Variants in CTTNBP2 observed in about 807,000 individuals in gnomAD.
The protein encoded by CTTNBP2 is cortactin-binding protein 2.
Under a neutral mutation model 156.9 loss-of-function variants are expected in CTTNBP2, and 108 were observed. The ratio of observed to expected loss-of-function variants is 0.69; its 90% CI spans 0.59 to 0.81. CTTNBP2 has a LOEUF of 0.81. Among genes scored for constraint, CTTNBP2 ranks in the 30% least tolerant of loss-of-function variants. The probability of loss-of-function intolerance (pLI) is 0.00; values close to 1 mark genes in which losing one functional copy is unlikely to be tolerated. For synonymous variants in CTTNBP2, 767 were observed against 751.8 expected, an observed-to-expected ratio of 1.02 and a Z score of -0.33; for missense variants, 1,924 against 2,035.4, an observed-to-expected ratio of 0.95 and a Z score of 1.05.
intron 7 of CTTNBP2, among the ~76,000 whole-genome samples, chr7:117,778,750 C>A (rs1007480841): frequency 6.6e-6 from 1 of 152,172 alleles, no homozygotes; most frequent in African/African-American, 2.4e-5. Context: ...TACTCAGGCA[C>A]CCATCTTGTT....
intron 14 of CTTNBP2, among the ~76,000 whole-genome samples, chr7:117,739,742 G>C (rs1051512786): frequency 6.6e-6 from 1 of 152,060 alleles, no homozygotes; most frequent in Non-Finnish European, 1.5e-5. Context: ...CTTAAACCCC[G>C]GCTCTGGAGG....
chr7:117,713,912 G>A (rs1429494221), intron 22 of CTTNBP2: 2 of 152,190 alleles, frequency 1.3e-5, no homozygotes, highest in Non-Finnish European at 2.9e-5. Flanking sequence ...GGACAAATCT[G>A]GGGTCCAGGC....
intron 3 of CTTNBP2, among the ~76,000 whole-genome samples, chr7:117,801,343 A>T (rs1563021325): frequency 6.6e-6 from 1 of 152,234 alleles, no homozygotes; most frequent in African/African-American, 2.4e-5. Flanking sequence ...ATCAGGAAAC[A>T]TTAGACAAAC....
At chr7:117,773,506 G>A (rs1797907833) in intron 8 of CTTNBP2, among the ~76,000 whole-genome samples, 3 of 152,130 alleles carry the variant, frequency 2.0e-5, no homozygotes, top group Non-Finnish European at 4.4e-5. Flanking sequence ...AATGTCTGGA[G>A]GACAAGTAAA....
intron 16 of CTTNBP2, among the ~76,000 whole-genome samples, chr7:117,733,207 CT>C (rs145623485): frequency 0.015 from 2,261 of 152,294 alleles, 52 homozygotes; most frequent in African/African-American, 0.051. Context: ...CATCCATTCC[CT>C]TGTACACACA....
At chr7:117,750,597 T>C (rs1182552327) in intron 12 of CTTNBP2, among the ~76,000 whole-genome samples, 4 of 152,172 alleles carry the variant, frequency 2.6e-5, no homozygotes, top group Non-Finnish European at 4.4e-5. Context: ...TCAAATGATA[T>C]AGTCATGTTG....
chr7:117,761,510 T>C (rs1797216643), intron 9 of CTTNBP2, among the ~76,000 whole-genome samples: 1 of 152,238 alleles, frequency 6.6e-6, no homozygotes, highest in Non-Finnish European at 1.5e-5. Context: ...ATGACTATAA[T>C]TATTGAATTA....
intron 2 of CTTNBP2, among the ~76,000 whole-genome samples, chr7:117,837,959 T>A (rs1314135507): frequency 6.6e-6 from 1 of 152,116 alleles, no homozygotes; most frequent in Admixed American, 6.5e-5. Context: ...TATTACCCTA[T>A]CCCTTACACT....
intron 6 of CTTNBP2, among the ~76,000 whole-genome samples, chr7:117,782,067 A>G (rs2116804044): frequency 6.6e-6 from 1 of 152,304 alleles, no homozygotes; most frequent in African/African-American, 2.4e-5. Flanking sequence ...TATGATTAAT[A>G]ACATGGGGTC....
At chr7:117,714,782 G>A (rs1794248912) in intron 22 of CTTNBP2, among the ~76,000 whole-genome samples, 1 of 152,180 alleles carries the variant, frequency 6.6e-6, no homozygotes, top group African/African-American at 2.4e-5. Flanking sequence ...GCAATTCAAG[G>A]CCAGGAGTGC....
intron 22 of CTTNBP2, among the ~76,000 whole-genome samples, chr7:117,717,501 A>T (rs907717616): frequency 2.0e-5 from 3 of 152,176 alleles, no homozygotes; most frequent in Admixed American, 2.0e-4. Context: ...TACACAATTC[A>T]TAAATTTGCA....
intron 2 of CTTNBP2, among the ~76,000 whole-genome samples, chr7:117,857,231 T>G (rs1803391261): frequency 6.6e-6 from 1 of 152,220 alleles, no homozygotes; most frequent in South Asian, 2.1e-4. Context: ...TTAAAATACA[T>G]TTCAGTTAAT....
At chr7:117,730,628 G>A (rs564192961) in intron 16 of CTTNBP2, among the ~76,000 whole-genome samples, 17 of 152,280 alleles carry the variant, frequency 1.1e-4, no homozygotes, top group African/African-American at 3.6e-4. Flanking sequence ...TGGAAGGCAC[G>A]GACTCAGACG....
intron 8 of CTTNBP2, 62 bp from the exon 9 acceptor site, chr7:117,767,238 A>G: frequency 1.1e-6 from 1 of 923,024 alleles, no homozygotes; most frequent in Non-Finnish European, 1.8e-6. Context: ...TGCAAAACCC[A>G]AAGGAAAAGC....
intron 22 of CTTNBP2, among the ~76,000 whole-genome samples, chr7:117,714,980 T>C (rs542060004): frequency 1.3e-5 from 2 of 152,240 alleles, no homozygotes; most frequent in East Asian, 1.9e-4. Flanking sequence ...TTGCTGTGCA[T>C]GTTAAACTCA....
intron 4 of CTTNBP2, among the ~76,000 whole-genome samples, chr7:117,789,594 T>C (rs1369387790): frequency 6.6e-6 from 1 of 152,194 alleles, no homozygotes; most frequent in Non-Finnish European, 1.5e-5. Context: ...GGATCAAAAA[T>C]ATAGAATGCT....
At chr7:117,838,969 G>GC (rs66928316) in intron 2 of CTTNBP2, among the ~76,000 whole-genome samples, 49 of 42,478 alleles carry the variant, frequency 1.2e-3, no homozygotes, top group African/African-American at 4.3e-3. Flanking sequence ...TGCGGGGGCG[G>GC]GGGGGGGGCT....
chr7:117,768,522 T>A (rs1797627863), intron 8 of CTTNBP2, among the ~76,000 whole-genome samples: 1 of 132,822 alleles, frequency 7.5e-6, no homozygotes, highest in Non-Finnish European at 1.5e-5. Context: ...GCCAAGATCA[T>A]GCCACTGCAT....
chr7:117,794,810 AT>A (rs1799219881), intron 3 of CTTNBP2, among the ~76,000 whole-genome samples: 1 of 151,316 alleles, frequency 6.6e-6, no homozygotes, highest in African/African-American at 2.4e-5. Context: ...TTTGGGAGTA[AT>A]TCATAAGTAG....
Sources: gnomAD v4.1 joint callset for allele counts (sites outside exome capture counted in the v4.1 genomes callset) on GRCh38, gnomAD v4.1.1 for gene constraint, MANE v1.5 for transcripts, NCBI Gene and HGNC (gene_info 2026-07-23, HGNC 2026-07-21) for gene names.